The following NEDD8 variants were observed in gnomAD, a reference collection of about 807,000 sequenced individuals.
The protein encoded by NEDD8 is ubiquitin-like protein NEDD8.
Under a neutral mutation model 13.8 loss-of-function variants are expected in NEDD8, and 1 was observed. The observed-to-expected ratio is 0.07, with a 90% CI of 0.03 to 0.34. The LOEUF (loss-of-function observed/expected upper bound fraction) is 0.34, where lower values mean the gene tolerates loss of function less well. Among genes scored for constraint, NEDD8 ranks in the 10% least tolerant of loss-of-function variants. The pLI is 0.99. For missense variants in NEDD8, 10 were observed against 95.2 expected (o/e 0.10, Z 3.73); for synonymous variants, 31 against 33.2 (o/e 0.93, Z 0.23).
chr14:24,225,495 G>A (rs948241213), intron 1 of NEDD8, among the ~76,000 whole-genome samples: 38 of 152,150 alleles, frequency 2.5e-4, no homozygotes, highest in Admixed American at 2.5e-3. Flanking sequence ...AATAACATAT[G>A]CTATGCTAGC....
At chr14:24,225,260 TG>T (rs796260080) in intron 1 of NEDD8, among the ~76,000 whole-genome samples, 2 of 141,100 alleles carry the variant, frequency 1.4e-5, no homozygotes, top group African/African-American at 5.2e-5. Context: ...AAGAAAAAAA[TG>T]GGAAAAAGGA....
In NEDD8 at chr14:24,230,670, G is replaced by A. The variant is rs558342896; in HGVS notation, c.18+1580C>T. ...TTTCACTCTTGTCGCCCAGGCTGGA[G>A]TGCAATGGCGCCATCTCAGCTCACT... On this transcript the variant is annotated intron_variant, in intron 1 of 3. Transcript: ENST00000250495. Among the ~76,000 whole-genome samples the A allele has an allele frequency of 2.4e-3, 356 of 148,416 alleles. 3 individuals carry two copies. Among genetic ancestry groups the A allele is most frequent in the African/African-American group, 8.5e-3 (340 of 40,176 alleles).
At chr14:24,226,116 A>G (rs1470436281) in intron 1 of NEDD8, among the ~76,000 whole-genome samples, 1 of 152,070 alleles carries the variant, frequency 6.6e-6, no homozygotes, top group African/African-American at 2.4e-5. Context: ...AATGTGATCC[A>G]GCCCTGCCAA....
intron 2 of NEDD8, 44 bp from the exon 3 acceptor site, chr14:24,218,259 A>G: frequency 1.2e-6 from 2 of 1,614,024 alleles, no homozygotes; most frequent in African/African-American, 1.3e-5. Flanking sequence ...TAGGGGTAGG[A>G]CCATGGAAAC....
At chr14:24,231,171 G>A (rs1471187716) in intron 1 of NEDD8, among the ~76,000 whole-genome samples, 1 of 152,152 alleles carries the variant, frequency 6.6e-6, no homozygotes, top group Non-Finnish European at 1.5e-5. Context: ...GATTACAGGC[G>A]TGAGCCACCG....
intron 1 of NEDD8, among the ~76,000 whole-genome samples, chr14:24,225,252 G>GA (rs1008705008): frequency 4.0e-5 from 6 of 150,826 alleles, no homozygotes; most frequent in African/African-American, 7.3e-5. Context: ...TATTCAACAA[G>GA]AAAAAAATGG....
chr14:24,219,726 T>G (rs1241024198), intron 1 of NEDD8, among the ~76,000 whole-genome samples: 1 of 152,206 alleles, frequency 6.6e-6, no homozygotes, highest in African/African-American at 2.4e-5. Flanking sequence ...TAGTCTACAG[T>G]GATCCAGGCC....
chr14:24,228,982 T>G (rs1280095237), intron 1 of NEDD8, among the ~76,000 whole-genome samples: 1 of 151,910 alleles, frequency 6.6e-6, no homozygotes, highest in Non-Finnish European at 1.5e-5. Flanking sequence ...GACTGGCAAT[T>G]TTAGAGAAGT....
rs548091640 is a variant in NEDD8, at chr14:24,218,015, CAA to C, written c.149+116_149+117del. ...GGGCTTAGAGGCTTCACCAGATTGC[CAA>C]AGAGTCTTAGGCACCAAAAACAAGA... On this transcript the variant is annotated intron_variant, in intron 3 of 3. Coordinates refer to ENST00000250495, the MANE Select transcript of NEDD8 (RefSeq NM_006156.3). 5.3e-6 allele frequency: 7 copies of C among 1,323,842 alleles called. No homozygotes were observed. The East Asian group carries it at 1.2e-4, about 22-fold the overall frequency. 82.0% of individuals were successfully genotyped at this position (1,323,842 alleles called of 1,614,324 possible). A position where few individuals can be genotyped will look rare whatever the true frequency, so the allele number is the denominator to read the frequency against.
At chr14:24,229,469 T>C (rs992058659) in intron 1 of NEDD8, among the ~76,000 whole-genome samples, 12 of 152,150 alleles carry the variant, frequency 7.9e-5, no homozygotes, top group Non-Finnish European at 4.4e-5. Flanking sequence ...CCGCCCGCCT[T>C]GGCCTCCCAA....
chr14:24,218,360 G>A, intron 2 of NEDD8, 24 bp downstream of exon 2: 1 of 1,614,200 alleles, frequency 6.2e-7, no homozygotes, highest in Non-Finnish European at 8.5e-7. Context: ...AGAAGTACAT[G>A]AAGAGGAGTT....
At chr14:24,230,614 T>G (rs1288471220) in intron 1 of NEDD8, among the ~76,000 whole-genome samples, 2 of 149,306 alleles carry the variant, frequency 1.3e-5, no homozygotes, top group Non-Finnish European at 3.0e-5. Context: ...CCCTCTCTCT[T>G]TCTTTTTTTT....
At chr14:24,226,230 G>A (rs1214910374) in intron 1 of NEDD8, among the ~76,000 whole-genome samples, 7 of 151,938 alleles carry the variant, frequency 4.6e-5, no homozygotes, top group African/African-American at 7.3e-5. Flanking sequence ...AGTGGCTCAC[G>A]CTTGTAATCC....
intron 1 of NEDD8, among the ~76,000 whole-genome samples, chr14:24,222,857 G>A (rs1223244522): frequency 6.6e-6 from 1 of 152,058 alleles, no homozygotes; most frequent in African/African-American, 2.4e-5. Flanking sequence ...AGGAGGCCGA[G>A]GGGGCGGATC....
chr14:24,231,277 A>C (rs925865691), intron 1 of NEDD8, among the ~76,000 whole-genome samples: 2 of 152,244 alleles, frequency 1.3e-5, no homozygotes, highest in African/African-American at 4.8e-5. Flanking sequence ...TCAACGTTAA[A>C]AAAAATCATC....
At chr14:24,219,963 A>C (rs751922090) in intron 1 of NEDD8, among the ~76,000 whole-genome samples, 166 of 152,326 alleles carry the variant, frequency 1.1e-3, no homozygotes, top group Non-Finnish European at 2.0e-3. Flanking sequence ...AACATGGAGA[A>C]AGCCTTCTCT....
intron 1 of NEDD8, among the ~76,000 whole-genome samples, chr14:24,221,489 A>T (rs2039809287): frequency 6.6e-6 from 1 of 152,088 alleles, no homozygotes; most frequent in Non-Finnish European, 1.5e-5. Context: ...CATGTTGCCC[A>T]GGCTGGTCTC....
chr14:24,222,746 G>GT (rs2039827595), intron 1 of NEDD8, among the ~76,000 whole-genome samples: 1 of 152,030 alleles, frequency 6.6e-6, no homozygotes, highest in Non-Finnish European at 1.5e-5. Flanking sequence ...TATATTTTAT[G>GT]TTTTTTCTAA....
chr14:24,218,310 G>C (rs1383557562), intron 2 of NEDD8, 74 bp downstream of exon 2: 1 of 1,613,724 alleles, frequency 6.2e-7, no homozygotes, highest in Non-Finnish European at 8.5e-7. Context: ...AGAGCAAAAG[G>C]ACCAAGTTCA....
Sources: allele counts gnomAD v4.1 joint callset (sites outside exome capture counted in the v4.1 genomes callset), GRCh38; gene constraint gnomAD v4.1.1; transcripts MANE v1.5; gene names NCBI Gene and HGNC (gene_info 2026-07-23, HGNC 2026-07-21).